The following ABCA13 variants were observed in gnomAD, a reference collection of about 807,000 sequenced individuals.
The protein encoded by ABCA13 is ATP-binding cassette sub-family A member 13.
A neutral mutation model predicts 478.7 loss-of-function variants in ABCA13; 476 were observed. The ratio of observed to expected loss-of-function variants is 0.99; its 90% CI spans 0.92 to 1.07. The LOEUF is 1.07. ABCA13 is among the 50% of genes least tolerant of loss of function. The pLI, the probability that ABCA13 is intolerant of heterozygous loss-of-function variation, is 0.00. For synonymous variants in ABCA13, 2,252 were observed against 2,158.9 expected, an observed-to-expected ratio of 1.04 and a Z score of -1.20; for missense variants, 6,060 against 5,910.6, an observed-to-expected ratio of 1.03 and a Z score of -0.83.
intron 55 of ABCA13, among the ~76,000 whole-genome samples, chr7:48,547,984 TC>T (rs1784971768): frequency 6.6e-6 from 1 of 151,884 alleles, no homozygotes; most frequent in African/African-American, 2.4e-5. Flanking sequence ...GATGTTTACT[TC>T]CTGTTTGCTA....
intron 15 of ABCA13, among the ~76,000 whole-genome samples, chr7:48,258,098 A>T (rs958455485): frequency 3.3e-5 from 5 of 151,950 alleles, no homozygotes; most frequent in Admixed American, 3.3e-4. Flanking sequence ...TTATTTTTAA[A>T]TTTTTTGTAG....
chr7:48,509,882 A>G (rs1394965992), intron 50 of ABCA13, among the ~76,000 whole-genome samples: 1 of 152,208 alleles, frequency 6.6e-6, no homozygotes, highest in East Asian at 1.9e-4. Context: ...AAGAGGCCGC[A>G]GAGAGCTCTA....
At chr7:48,441,928 T>A (rs541184481) in intron 42 of ABCA13, among the ~76,000 whole-genome samples, 6 of 152,274 alleles carry the variant, frequency 3.9e-5, no homozygotes, top group African/African-American at 9.6e-5. Flanking sequence ...CAAATTAGCA[T>A]GGTGAAACCT....
chr7:48,424,419 C>G (rs1326965377), intron 41 of ABCA13, among the ~76,000 whole-genome samples: 1 of 152,188 alleles, frequency 6.6e-6, no homozygotes, highest in Non-Finnish European at 1.5e-5. Flanking sequence ...ACTCAGTTAA[C>G]ATTGTTGATG....
chr7:48,495,038 T>G (rs1830156497), intron 48 of ABCA13, among the ~76,000 whole-genome samples: 1 of 152,126 alleles, frequency 6.6e-6, no homozygotes, highest in South Asian at 2.1e-4. Context: ...AGAAAATGAA[T>G]CGAACACAAA....
At chr7:48,331,370 C>T (rs1022449770) in intron 27 of ABCA13, among the ~76,000 whole-genome samples, 4 of 152,170 alleles carry the variant, frequency 2.6e-5, no homozygotes, top group East Asian at 1.9e-4. Context: ...GGATTATCAG[C>T]TCTGAGCCTC....
At chr7:48,345,185 T>C (rs1807876078) in intron 29 of ABCA13, among the ~76,000 whole-genome samples, 1 of 152,244 alleles carries the variant, frequency 6.6e-6, no homozygotes, top group Admixed American at 6.5e-5. Context: ...CTGCCAGTCA[T>C]ATAAAAGTCT....
rs554390557 is a variant in ABCA13 at position 48,363,910 on chromosome 7, G to A, written c.10689-3884G>A. ...AATATATTTAAATTGTTGACAAAAA[G>A]TATGTTCACTATTATCATCTGTTCA... On this transcript the variant is annotated intron_variant, in intron 31 of 61. Transcript: ENST00000435803. Among the ~76,000 whole-genome samples, 6 of 152,228 alleles carry A rather than the reference G, an allele frequency of 3.9e-5. No homozygotes were observed. In the South Asian group the frequency reaches 1.2e-3, roughly 32 times the overall value.
At chr7:48,392,384 A>G (rs1458333077) in intron 38 of ABCA13, among the ~76,000 whole-genome samples, 1 of 152,216 alleles carries the variant, frequency 6.6e-6, no homozygotes, top group Non-Finnish European at 1.5e-5. Context: ...AGATGAGCAC[A>G]TGTAAGCACA....
chr7:48,403,746 C>A lies in ABCA13; in HGVS notation c.11937C>A (p.Gly3979=). 6.2e-7 allele frequency: 1 copy of A among 1,613,944 alleles called. No homozygotes were observed. The highest frequency in any genetic ancestry group is 8.5e-7 in the Non-Finnish European group (1 of 1,179,888). ...AACAGACCCGAGCTCTGTCTGGAGGCCTGAAGAGGAAGCTCTCCCTTGGCA... is the reference window on the plus strand; with the variant it reads ...AACAGACCCGAGCTCTGTCTGGAGGACTGAAGAGGAAGCTCTCCCTTGGCA... ...QHKQTRALSG[G]LKRKLSLGIA... Residue 3979 remains glycine, a synonymous_variant, in exon 39 of 62, where the codon GGC becomes GGA. Coordinates refer to ENST00000435803, the MANE Select transcript of ABCA13 (RefSeq NM_152701.5).
intron 20 of ABCA13, among the ~76,000 whole-genome samples, chr7:48,289,969 G>A (rs537482471): frequency 2.0e-5 from 3 of 152,244 alleles, no homozygotes; most frequent in South Asian, 2.1e-4. Flanking sequence ...ATATGAAGTC[G>A]CCAACAGAGA....
At position 48,269,110 on chromosome 7, in the gene ABCA13, C is replaced by A. The variant is rs1176664584; in HGVS notation, c.2120+16C>A. 1.5e-6 allele frequency: 2 copies of A among 1,361,648 alleles called. No homozygotes were observed. The highest frequency in any genetic ancestry group is 2.4e-5 in the South Asian group (2 of 82,812). The allele number at this position is 1,361,648 out of a possible 1,614,324, so 84.3% of individuals were successfully genotyped here. A position where few individuals can be genotyped will look rare whatever the true frequency, so the allele number is the denominator to read the frequency against. ...CCATATCCAGGTAAGTTATCAGAAT[C>A]CAACTTCTAGGTCTTGATTTAATTA... On this transcript the variant is annotated intron_variant, in intron 16 of 61. Coordinates refer to ENST00000435803, the MANE Select transcript of ABCA13 (RefSeq NM_152701.5).
chr7:48,287,696 C>T (rs545356966), intron 19 of ABCA13, among the ~76,000 whole-genome samples: 6 of 152,156 alleles, frequency 3.9e-5, no homozygotes, highest in African/African-American at 7.2e-5. Context: ...GTAGGGGATA[C>T]AGGGAAAGGA....
chr7:48,629,356 T>C (rs1169707930), intron 59 of ABCA13, among the ~76,000 whole-genome samples: 1 of 152,136 alleles, frequency 6.6e-6, no homozygotes, highest in African/African-American at 2.4e-5. Context: ...AGGAAATGGA[T>C]TTCTTTATTC....
At chr7:48,415,332 A>G (rs576994870) in intron 41 of ABCA13, among the ~76,000 whole-genome samples, 1 of 152,250 alleles carries the variant, frequency 6.6e-6, no homozygotes, top group East Asian at 1.9e-4. Context: ...TTGGGGGGTT[A>G]TCGAGAGAAA....
chr7:48,527,796 CACAT>C (rs1294319680), intron 54 of ABCA13, among the ~76,000 whole-genome samples: 2 of 152,036 alleles, frequency 1.3e-5, no homozygotes, highest in Non-Finnish European at 2.9e-5. Context: ...CACAGACAAA[CACAT>C]ATGTATATAC....
At chr7:48,203,133 T>C (rs1420514950) in intron 3 of ABCA13, among the ~76,000 whole-genome samples, 167 of 151,630 alleles carry the variant, frequency 1.1e-3, no homozygotes, top group Admixed American at 0.011. Flanking sequence ...ACCCAGTACA[T>C]CCTCCGCAGC....
At chr7:48,619,440 A>T (rs1273209666) in intron 59 of ABCA13, among the ~76,000 whole-genome samples, 1 of 152,186 alleles carries the variant, frequency 6.6e-6, no homozygotes, top group Non-Finnish European at 1.5e-5. Context: ...AAGAAAAGTC[A>T]ATCAATATTA....
chr7:48,394,043 C>T (rs891067924), intron 38 of ABCA13, among the ~76,000 whole-genome samples: 4 of 152,202 alleles, frequency 2.6e-5, no homozygotes, highest in Admixed American at 6.5e-5. Flanking sequence ...GTCTAGCTTC[C>T]TGATGTCACG....
Sources: allele counts gnomAD v4.1 joint callset (sites outside exome capture counted in the v4.1 genomes callset), GRCh38; gene constraint gnomAD v4.1.1; transcripts MANE v1.5; gene names NCBI Gene and HGNC (gene_info 2026-07-23, HGNC 2026-07-21).